Variants in NRXN2 observed in about 807,000 individuals in gnomAD.
The protein encoded by NRXN2 is neurexin 2.
NRXN2 carries 29 observed loss-of-function variants against 128.8 expected under a neutral mutation model. The ratio of observed to expected loss-of-function variants is 0.23; its 90% CI spans 0.17 to 0.31. The LOEUF is 0.31. Ranked by LOEUF, NRXN2 falls within the 10% of genes least tolerant of loss-of-function variation. The probability of loss-of-function intolerance (pLI) is 1.00; values close to 1 mark genes in which losing one functional copy is unlikely to be tolerated. For missense variants in NRXN2, 1,881 were observed against 2,452.6 expected (o/e 0.77, Z 4.92); for synonymous variants, 1,098 against 1,075.2 (o/e 1.02, Z -0.41).
chr11:64,619,642 GC>G (rs2042025111), intron 22 of NRXN2, among the ~76,000 whole-genome samples: 1 of 152,040 alleles, frequency 6.6e-6, no homozygotes, highest in African/African-American at 2.4e-5. Context: ...TAGAATCTGG[GC>G]CAGACCTCAG....
rs1203974165 is a variant in NRXN2, at chr11:64,685,590, A to G, written c.1152+56T>C. 2.5e-6 allele frequency: 4 copies of G among 1,608,722 alleles called. No homozygotes were observed. The African/African-American group carries it at 5.4e-5, about 22-fold the overall frequency. On this transcript the variant is annotated intron_variant, in intron 6 of 22. Transcript: ENST00000265459. ...AAGCTCCCGGCAGCCCCCTCTCCCA[A>G]CCCCCATTCTACCCCAGGTATAGCT...
At chr11:64,683,298 A>G (rs2052556711) in intron 6 of NRXN2, among the ~76,000 whole-genome samples, 1 of 152,120 alleles carries the variant, frequency 6.6e-6, no homozygotes, top group Non-Finnish European at 1.5e-5. Flanking sequence ...TGTTGTTCCA[A>G]TCCCAGGATG....
chr11:64,687,067 C>A (rs1022645227), intron 5 of NRXN2, among the ~76,000 whole-genome samples: 11 of 152,344 alleles, frequency 7.2e-5, no homozygotes, highest in African/African-American at 2.6e-4. Context: ...GGCCATTAAG[C>A]AGTGGCACAC....
chr11:64,716,722 G>A (rs2057314229), intron 1 of NRXN2, among the ~76,000 whole-genome samples: 1 of 152,142 alleles, frequency 6.6e-6, no homozygotes, highest in African/African-American at 2.4e-5. Context: ...AGGCCAGCCA[G>A]GCCTCTGGGG....
Position 64,648,589 on chromosome 11 carries a change from C to A in NRXN2, c.3283+145G>T, listed in dbSNP as rs924024526. ...GACCCTTCACACACCTGTATCCCTGCCCCAGAACTGTGGGGGCAAGCTCCC... is the reference window on the plus strand; with the variant it reads ...GACCCTTCACACACCTGTATCCCTGACCCAGAACTGTGGGGGCAAGCTCCC... On this transcript the variant is annotated intron_variant, in intron 16 of 22. Transcript: ENST00000265459. The surrounding 1 kb of genome is among the most constrained non-coding windows in gnomAD (Gnocchi z 4.1). The A allele has an allele frequency of 2.3e-5, 28 of 1,196,052 alleles. No homozygotes were observed. In the East Asian group the frequency reaches 4.2e-4, roughly 18 times the overall value. 74.1% of individuals were successfully genotyped at this position (1,196,052 alleles called of 1,614,324 possible).
chr11:64,628,478 TC>T (rs1306962204), intron 19 of NRXN2, among the ~76,000 whole-genome samples: 1 of 152,050 alleles, frequency 6.6e-6, no homozygotes, highest in Non-Finnish European at 1.5e-5. Flanking sequence ...CTCATGTTAC[TC>T]CCCTTTACAG....
intron 19 of NRXN2, among the ~76,000 whole-genome samples, chr11:64,626,911 G>A (rs1032761416): frequency 1.3e-5 from 2 of 152,186 alleles, no homozygotes; most frequent in African/African-American, 2.4e-5. Context: ...AGTGGGGGGC[G>A]GGCAGGGGAG....
rs1345859007 is a variant in NRXN2, at chr11:64,653,643, T to C, written c.2416+53A>G. Reference sequence around the variant, plus strand: ...CAGCCTCCCTCCCTAAATCCCAGCGTCCAGCATCCCAGTCCCCTTGGGTCT... The same window carrying C: ...CAGCCTCCCTCCCTAAATCCCAGCGCCCAGCATCCCAGTCCCCTTGGGTCT... On this transcript the variant is annotated intron_variant, in intron 12 of 22. Transcript: ENST00000265459. 3 of 1,542,096 alleles carry C rather than the reference T, an allele frequency of 1.9e-6. No individual in the cohort carries two copies. In the Admixed American group the frequency reaches 5.7e-5, roughly 29 times the overall value.
At chr11:64,610,164 C>A (rs999713719) in intron 22 of NRXN2, among the ~76,000 whole-genome samples, 19 of 152,186 alleles carry the variant, frequency 1.2e-4, no homozygotes, top group African/African-American at 4.6e-4. Context: ...GCTCCCCAGG[C>A]TGCTCTTCCC....
At chr11:64,650,760 AC>A in intron 14 of NRXN2, 122 bp from the exon 15 acceptor site, 1 of 943,346 alleles carries the variant, frequency 1.1e-6, no homozygotes, top group Non-Finnish European at 1.6e-6. Flanking sequence ...TGAAAGGGAG[AC>A]CCCAGAGGAG....
intron 3 of NRXN2, 38 bp downstream of exon 3, chr11:64,697,737 C>A: frequency 6.2e-7 from 1 of 1,612,944 alleles, no homozygotes; most frequent in Non-Finnish European, 8.5e-7. Context: ...CCCATGGCAA[C>A]AGATCCACTA....
chr11:64,664,981 C>G (rs1304179017), intron 9 of NRXN2, among the ~76,000 whole-genome samples: 4 of 110,640 alleles, frequency 3.6e-5, no homozygotes, highest in Non-Finnish European at 7.2e-5. Flanking sequence ...CAGAGAGAGA[C>G]TTCGTCTCAA....
intron 6 of NRXN2, among the ~76,000 whole-genome samples, chr11:64,679,899 G>A (rs991273550): frequency 6.6e-6 from 1 of 152,178 alleles, no homozygotes; most frequent in Admixed American, 6.5e-5. Context: ...GCACAGGGAA[G>A]GGGTACACAG....
chr11:64,625,496 C>A (rs553379150), intron 20 of NRXN2, among the ~76,000 whole-genome samples: 6 of 152,288 alleles, frequency 3.9e-5, no homozygotes, highest in African/African-American at 1.2e-4. Context: ...CAGGTTTAGG[C>A]CCCACAGGCA....
chr11:64,703,276 A>C (rs1467489048), intron 2 of NRXN2, among the ~76,000 whole-genome samples: 3 of 152,158 alleles, frequency 2.0e-5, no homozygotes, highest in Non-Finnish European at 1.5e-5. Flanking sequence ...TGTTGAGTGA[A>C]TAATAAAAAT....
rs1303971623 is a variant in NRXN2, at chr11:64,632,458, G to C, written c.3586-1885C>G. Among the ~76,000 whole-genome samples, 1 of 152,152 alleles carries C rather than the reference G, an allele frequency of 6.6e-6. No individual in the cohort carries two copies. Among genetic ancestry groups the C allele is most frequent in the East Asian group, 1.9e-4 (1 of 5,200 alleles). Reference sequence around the variant, plus strand: ...GGCTGATCATCTGCTCCCCACACACGGGAAGGAACAGTCGATCCTCCTCGG... The same window carrying C: ...GGCTGATCATCTGCTCCCCACACACCGGAAGGAACAGTCGATCCTCCTCGG... On this transcript the variant is annotated intron_variant, in intron 18 of 22. Coordinates refer to ENST00000265459, the MANE Select transcript of NRXN2 (RefSeq NM_015080.4). The surrounding 1 kb of genome is among the most constrained non-coding windows in gnomAD (Gnocchi z 4.2).
intron 5 of NRXN2, among the ~76,000 whole-genome samples, 161 bp downstream of exon 5, chr11:64,690,244 G>A (rs545563638): frequency 6.6e-6 from 1 of 152,304 alleles, no homozygotes; most frequent in African/African-American, 2.4e-5. Flanking sequence ...CAGCTAATGG[G>A]GCCTTTGGAA....
At position 64,606,894 on chromosome 11, in the gene NRXN2, A is replaced by C; in HGVS notation, c.*302T>G. On this transcript the variant is annotated 3_prime_UTR_variant, in exon 23 of 23. Transcript: ENST00000265459. ...GCCTTCCTTCCCACCCAACCCCACC[A>C]AAATAAAACTACCCCCTTAAAAAAA... is the stretch of plus-strand genomic sequence containing the variant. 8 of 354,826 alleles carry C rather than the reference A, an allele frequency of 2.3e-5. No individual in the cohort carries two copies. The highest frequency in any genetic ancestry group is 9.9e-5 in the East Asian group (2 of 20,254). The allele number at this position is 354,826 out of a possible 1,614,324, so 22.0% of individuals were successfully genotyped here.
rs200169230 is a variant in NRXN2, at chr11:64,667,526, G to A, written c.1522C>T (p.Arg508Cys). 78 of 1,613,938 alleles carry A rather than the reference G, an allele frequency of 4.8e-5. No individual in the cohort carries two copies. Among genetic ancestry groups the A allele is most frequent in the East Asian group, 6.7e-5 (3 of 44,896 alleles). Residue 508 changes from arginine (R) to cysteine (C), a missense_variant, in exon 9 of 23, where the codon CGC becomes TGC. Transcript: ENST00000265459. The surrounding 1 kb of genome is among the most constrained non-coding windows in gnomAD (Gnocchi z 5.6). ...GAGCCAGTGCGCTTAGCGCTCCAGC[G>A]GGGCAGCGCCACAAAGGCCTCGGGA... ...ESPEAFVALP[R>C]WSAKRTGSIS...
Sources: allele counts gnomAD v4.1 joint callset (sites outside exome capture counted in the v4.1 genomes callset), GRCh38; gene constraint gnomAD v4.1.1; non-coding constraint Gnocchi (gnomAD v3.1); transcripts MANE v1.5; gene names NCBI Gene and HGNC (gene_info 2026-07-23, HGNC 2026-07-21).